The following DNAH17 variants were observed in gnomAD, a reference collection of about 807,000 sequenced individuals.
DNAH17 encodes axonemal beta dynein heavy chain 17.
Under a neutral mutation model 485.6 loss-of-function variants are expected in DNAH17, and 376 were observed. The observed-to-expected ratio is 0.77, with a 90% CI of 0.71 to 0.84. The LOEUF (loss-of-function observed/expected upper bound fraction) is 0.84. Among genes scored for constraint, DNAH17 ranks in the 40% least tolerant of loss-of-function variants. The pLI, the probability that DNAH17 is intolerant of heterozygous loss-of-function variation, is 0.00. For missense variants in DNAH17, 6,370 were observed against 5,839.3 expected (o/e 1.09, Z -2.96); for synonymous variants, 3,031 against 2,405.9 (o/e 1.26, Z -7.60).
At chr17:78,570,502 G>A in intron 6 of DNAH17, 130 bp from the exon 7 acceptor site, 1 of 1,232,124 alleles carries the variant, frequency 8.1e-7, no homozygotes, top group Non-Finnish European at 1.1e-6. Flanking sequence ...GAGGGGAGAG[G>A]CAACTCCCTA....
chr17:78,455,385 G>A (rs1371526921), intron 63 of DNAH17, among the ~76,000 whole-genome samples: 1 of 151,552 alleles, frequency 6.6e-6, no homozygotes, highest in East Asian at 1.9e-4. Context: ...GAATGCAGTA[G>A]TGTGATCTCT....
chr17:78,481,353 T>C (rs1023110447), intron 48 of DNAH17, among the ~76,000 whole-genome samples: 8 of 152,170 alleles, frequency 5.3e-5, no homozygotes, highest in African/African-American at 1.9e-4. Flanking sequence ...TCCGCCCGCC[T>C]CAGCCTCCCA....
chr17:78,494,427 G>C (rs1218268609), intron 40 of DNAH17, among the ~76,000 whole-genome samples, 166 bp downstream of exon 40: 1 of 152,120 alleles, frequency 6.6e-6, no homozygotes, highest in Non-Finnish European at 1.5e-5. Flanking sequence ...GCACTGACAG[G>C]GTGGGGCTGG....
intron 68 of DNAH17, 24 bp downstream of exon 68, chr17:78,450,229 AC>A (rs756025363): frequency 6.2e-7 from 1 of 1,612,498 alleles, no homozygotes; most frequent in Non-Finnish European, 8.5e-7. Flanking sequence ...TGAGGGAGGC[AC>A]CCAGCCCCAG....
At chr17:78,483,400 C>T (rs147754759) in intron 48 of DNAH17, among the ~76,000 whole-genome samples, 1,815 of 152,272 alleles carry the variant, frequency 0.012, 28 homozygotes, top group African/African-American at 0.041. Flanking sequence ...GAGCCCGAGG[C>T]GGGCAGATCA....
At chr17:78,547,298 A>G (rs149314963) in intron 16 of DNAH17, among the ~76,000 whole-genome samples, 34 of 152,326 alleles carry the variant, frequency 2.2e-4, no homozygotes, top group Admixed American at 2.1e-3. Context: ...TGCATGTGTG[A>G]GGATGACTTT....
chr17:78,529,785 G>A, intron 21 of DNAH17, 91 bp from the exon 22 acceptor site: 1 of 1,310,962 alleles, frequency 7.6e-7, no homozygotes, highest in South Asian at 1.4e-5. Context: ...GACGACCGCG[G>A]TGAGGTCAAC....
At position 78,501,878 on chromosome 17, in the gene DNAH17, G is replaced by T. The variant is rs548899558; in HGVS notation, c.5191-5C>A. ...GAGTACGTTCAGCTGGCTAATCTGC[G>T]GGGGAGAGTGCCTTCGATGAGACAC... On this transcript the variant is annotated splice_region_variant and splice_polypyrimidine_tract_variant and intron_variant, in intron 33 of 80. Coordinates refer to ENST00000389840, the MANE Select transcript of DNAH17 (RefSeq NM_173628.4). The T allele has an allele frequency of 1.9e-6, 3 of 1,613,864 alleles. No individual in the cohort carries two copies. Among genetic ancestry groups the T allele is most frequent in the East Asian group, 2.2e-5 (1 of 44,886 alleles).
intron 12 of DNAH17, 97 bp from the exon 13 acceptor site, chr17:78,561,032 C>T (rs560303212): frequency 2.4e-5 from 28 of 1,181,776 alleles, no homozygotes; most frequent in South Asian, 4.4e-5. Context: ...GGTGCCGAAG[C>T]GGCCGGCCAC....
At chr17:78,546,163 C>A (rs2091758041) in intron 16 of DNAH17, among the ~76,000 whole-genome samples, 1 of 152,118 alleles carries the variant, frequency 6.6e-6, no homozygotes, top group African/African-American at 2.4e-5. Context: ...TAGGCTCAAG[C>A]AATACTCCTG....
At chr17:78,460,473 C>G (rs374814028) in intron 58 of DNAH17, among the ~76,000 whole-genome samples, 1 of 152,236 alleles carries the variant, frequency 6.6e-6, no homozygotes, top group Non-Finnish European at 1.5e-5. Flanking sequence ...TGGTGAGGGG[C>G]GGCCCAGGCC....
At chr17:78,543,287 G>GTATTTTTTTTTTTTTTTTTTTTT (rs1200669389) in intron 17 of DNAH17, among the ~76,000 whole-genome samples, 3 of 139,228 alleles carry the variant, frequency 2.2e-5, no homozygotes, top group African/African-American at 8.2e-5. Flanking sequence ...GTTAATTTTT[G>GTATTTTTTTTTTTTTTTTTTTTT]TTTTTTTTTT....
rs1568244860 is a variant in DNAH17 at position 78,553,296 on chromosome 17, T to TG, written c.2179-492_2179-491insC. ...CCAGGTTTTTGTGTTTTTTTTTTTT[T>TG]TTTTTTTTTTTTTTTTTTTTTTTAA... On this transcript the variant is annotated intron_variant, in intron 14 of 80. Coordinates refer to ENST00000389840, the MANE Select transcript of DNAH17 (RefSeq NM_173628.4). Among the ~76,000 whole-genome samples, 21 of 47,888 alleles carry TG rather than the reference T, an allele frequency of 4.4e-4. 1 individual carries two copies. Among genetic ancestry groups the TG allele is most frequent in the African/African-American group, 1.4e-3 (20 of 13,842 alleles). The allele number at this position is 47,888 out of a possible 152,430, so 31.4% of individuals were successfully genotyped here.
In DNAH17 at chr17:78,450,853, G is replaced by A. The variant is rs778399803; in HGVS notation, c.10735-7C>T. The A allele has an allele frequency of 8.7e-6, 14 of 1,613,654 alleles. No individual in the cohort carries two copies. The highest frequency in any genetic ancestry group is 1.2e-5 in the Non-Finnish European group (14 of 1,179,812). The stretch of plus-strand genomic sequence containing the variant: ...GAGACTTGGTGAGGTTTGCCTGCAA[G>A]GGGAGGTGCAGGAGTCACTGCATTG... On this transcript the variant is annotated splice_region_variant and splice_polypyrimidine_tract_variant and intron_variant, in intron 66 of 80. Coordinates refer to ENST00000389840, the MANE Select transcript of DNAH17 (RefSeq NM_173628.4).
chr17:78,524,542 C>G (rs1478844019), intron 25 of DNAH17, among the ~76,000 whole-genome samples: 2 of 152,162 alleles, frequency 1.3e-5, no homozygotes, highest in Non-Finnish European at 2.9e-5. Flanking sequence ...CTATGAGCCA[C>G]AAAGTGCGTC....
Position 78,441,062 on chromosome 17 carries a change from A to G in DNAH17, c.11666T>C (p.Val3889Ala). 6.3e-7 allele frequency: 1 copy of G among 1,593,972 alleles called. No individual in the cohort carries two copies. The highest frequency in any genetic ancestry group is 8.5e-7 in the Non-Finnish European group (1 of 1,169,792). Reference protein sequence around the residue: ...LSPGVDPLKDVEALGKKLGFT... With the variant: ...LSPGVDPLKDAEALGKKLGFT... ...CCTGCTACACTTACCCAGGGCTTCC[A>G]CGTCTTTCAAGGGGTCAACCCCCGG... Residue 3889 changes from valine (V) to alanine (A), a missense_variant, in exon 72 of 81, where the codon GTG (valine) becomes GCG (alanine). Val to Ala is a moderately conservative substitution (Grantham distance 64). Transcript: ENST00000389840.
At chr17:78,491,013 C>T (rs2089829203) in intron 43 of DNAH17, among the ~76,000 whole-genome samples, 166 bp from the exon 44 acceptor site, 1 of 152,218 alleles carries the variant, frequency 6.6e-6, no homozygotes, top group Non-Finnish European at 1.5e-5. Context: ...CAGGGCTTCT[C>T]TGCCTTCCCT....
At chr17:78,506,911 C>T in intron 29 of DNAH17, 65 bp from the exon 30 acceptor site, 6 of 1,596,734 alleles carry the variant, frequency 3.8e-6, no homozygotes, top group South Asian at 2.2e-5. Context: ...CTGCCACCCA[C>T]CCTGTCGGCG....
intron 69 of DNAH17, among the ~76,000 whole-genome samples, chr17:78,446,352 G>GCT (rs1217260197): frequency 6.6e-6 from 1 of 151,996 alleles, no homozygotes; most frequent in Non-Finnish European, 1.5e-5. Flanking sequence ...GCCTCTGAGA[G>GCT]CTGCTCATCT....
Sources: gnomAD v4.1 joint callset for allele counts (sites outside exome capture counted in the v4.1 genomes callset) on GRCh38, gnomAD v4.1.1 for gene constraint, MANE v1.5 for transcripts, NCBI Gene and HGNC (gene_info 2026-07-23, HGNC 2026-07-21) for gene names.